The following DEPDC5 variants were observed in gnomAD, a reference collection of about 807,000 sequenced individuals.
DEPDC5 encodes GATOR1 complex protein DEPDC5.
In DEPDC5, 73 loss-of-function variants were observed where a neutral mutation model predicts 217.3. That is an observed-to-expected ratio of 0.34 (90% CI 0.28 to 0.41). The LOEUF (loss-of-function observed/expected upper bound fraction) is 0.41, where lower values mean the gene tolerates loss of function less well. Among genes scored for constraint, DEPDC5 ranks in the 10% least tolerant of loss-of-function variants. The probability of loss-of-function intolerance (pLI) is 1.00; values close to 1 mark genes in which losing one functional copy is unlikely to be tolerated. For missense variants in DEPDC5, 1,675 were observed against 2,070.1 expected (o/e 0.81, Z 3.70); for synonymous variants, 733 against 756.7 (o/e 0.97, Z 0.51).
At chr22:31,843,515 AT>A in intron 28 of DEPDC5, 129 bp from the exon 29 acceptor site, 2 of 1,093,060 alleles carry the variant, frequency 1.8e-6, no homozygotes, top group South Asian at 3.5e-5. Context: ...GTTCCCTGGG[AT>A]AAGTTGGTTA....
At chr22:31,758,497 T>C in intron 2 of DEPDC5, 49 bp from the exon 3 acceptor site, 1 of 1,528,132 alleles carries the variant, frequency 6.5e-7, no homozygotes, top group Non-Finnish European at 9.1e-7. Context: ...GAACATACAG[T>C]GTACCTAATG....
At chr22:31,860,560 G>A (rs554742416) in intron 32 of DEPDC5, among the ~76,000 whole-genome samples, 12 of 152,246 alleles carry the variant, frequency 7.9e-5, no homozygotes, top group Non-Finnish European at 1.3e-4. Flanking sequence ...AAAGTCCTCC[G>A]TGTCATTTTT....
intron 38 of DEPDC5, among the ~76,000 whole-genome samples, chr22:31,882,776 TCTC>T (rs2093210964): frequency 1.3e-5 from 2 of 152,104 alleles, no homozygotes; most frequent in Non-Finnish European, 2.9e-5. Context: ...TTCTCTTCTT[TCTC>T]CTCTTCTCTT....
intron 7 of DEPDC5, among the ~76,000 whole-genome samples, chr22:31,771,789 C>T (rs2083392512): frequency 7.5e-6 from 1 of 133,344 alleles, no homozygotes; most frequent in Non-Finnish European, 1.6e-5. Flanking sequence ...ACAGTTAGGA[C>T]TAGGTGCAGT....
intron 24 of DEPDC5, among the ~76,000 whole-genome samples, chr22:31,824,489 A>G (rs2089980079): frequency 6.6e-6 from 1 of 152,244 alleles, no homozygotes; most frequent in African/African-American, 2.4e-5. Flanking sequence ...GTTGGCAGTA[A>G]GAGAATCCCT....
At chr22:31,810,892 C>T (rs532855813) in intron 20 of DEPDC5, among the ~76,000 whole-genome samples, 1 of 152,272 alleles carries the variant, frequency 6.6e-6, no homozygotes, top group South Asian at 2.1e-4. Context: ...TCTCCTGCCT[C>T]AGCCTCACAA....
At chr22:31,876,391 A>C (rs1249598863) in intron 37 of DEPDC5, 126 bp downstream of exon 37, 2 of 689,664 alleles carry the variant, frequency 2.9e-6, no homozygotes, top group Admixed American at 2.7e-5. Context: ...CAGATCTGTC[A>C]ACTTCCTTGA....
At position 31,876,700 on chromosome 22, in the gene DEPDC5, A is replaced by G. The variant is rs1761972749; in HGVS notation, c.3805+435A>G. Among the ~76,000 whole-genome samples, 4 of 152,256 alleles carry G rather than the reference A, an allele frequency of 2.6e-5. No individual in the cohort carries two copies. The South Asian group carries it at 8.3e-4, about 32-fold the overall frequency. ...CCATTTCTAACCCCAGGAAACTATC[A>G]AGTCCTAGCAAGTTTTCCAAGTAAT... On this transcript the variant is annotated intron_variant, in intron 37 of 42. Coordinates refer to ENST00000651528, the MANE Select transcript of DEPDC5 (RefSeq NM_001242896.3).
chr22:31,782,829 A>G (rs2084586771), intron 8 of DEPDC5, among the ~76,000 whole-genome samples: 1 of 152,124 alleles, frequency 6.6e-6, no homozygotes, highest in Admixed American at 6.6e-5. Flanking sequence ...GAGGGCAGGG[A>G]CCAGATCTTA....
intron 30 of DEPDC5, among the ~76,000 whole-genome samples, chr22:31,845,524 G>C (rs1467952757): frequency 6.6e-6 from 1 of 152,196 alleles, no homozygotes; most frequent in African/African-American, 2.4e-5. Flanking sequence ...GAGCACAGCT[G>C]CTTGTGTGAC....
At chr22:31,825,260 T>A (rs2148853862) in intron 24 of DEPDC5, among the ~76,000 whole-genome samples, 2 of 152,334 alleles carry the variant, frequency 1.3e-5, no homozygotes, top group South Asian at 4.1e-4. Context: ...GTGGACCAGT[T>A]GATTTCCCAT....
At chr22:31,772,780 A>G (rs1015960224) in intron 7 of DEPDC5, among the ~76,000 whole-genome samples, 1 of 149,712 alleles carries the variant, frequency 6.7e-6, no homozygotes, top group African/African-American at 2.4e-5. Context: ...AATTATATAT[A>G]TATTATATAT....
Position 31,804,291 on chromosome 22 carries a change from G to A in DEPDC5, c.1143+68G>A, listed in dbSNP as rs574659964. On this transcript the variant is annotated intron_variant, in intron 16 of 42. Coordinates refer to ENST00000651528, the MANE Select transcript of DEPDC5 (RefSeq NM_001242896.3). ...ATAGTTAGAAAGAGAAAAATTCCAGGCGCTGTGGCATGCACTTATAGTCCC... is the reference window on the plus strand; with the variant it reads ...ATAGTTAGAAAGAGAAAAATTCCAGACGCTGTGGCATGCACTTATAGTCCC... The A allele has an allele frequency of 2.5e-5, 38 of 1,504,632 alleles. No homozygotes were observed. The South Asian group carries it at 4.0e-4, about 16-fold the overall frequency. 93.2% of individuals were successfully genotyped at this position (1,504,632 alleles called of 1,614,324 possible). A position where few individuals can be genotyped will look rare whatever the true frequency, so the allele number is the denominator to read the frequency against.
rs138551446 is a variant in DEPDC5, at chr22:31,784,496, G to A, written c.563-318G>A. On this transcript the variant is annotated intron_variant, in intron 9 of 42. Transcript: ENST00000651528. Reference sequence around the variant, plus strand: ...ATACAAAAATTAGCTGGGCTTGGTGGTGGGCGCCTGTAATCCCAGCTACTC... The same window carrying A: ...ATACAAAAATTAGCTGGGCTTGGTGATGGGCGCCTGTAATCCCAGCTACTC... The A allele has an allele frequency of 2.0e-4, 46 of 234,560 alleles. 1 individual carries two copies. Among genetic ancestry groups the A allele is most frequent in the African/African-American group, 9.5e-4 (41 of 43,052 alleles). 14.5% of individuals were successfully genotyped at this position (234,560 alleles called of 1,614,324 possible). A position where few individuals can be genotyped will look rare whatever the true frequency, so the allele number is the denominator to read the frequency against.
In DEPDC5 at chr22:31,879,029, C is replaced by CAAAAA. The variant is rs1264327219; in HGVS notation, c.3806-485_3806-481dup. On this transcript the variant is annotated intron_variant, in intron 37 of 42. Transcript: ENST00000651528. ...TGGGCGACAGAGCGAGACTCCGTCTCAAAAAAAAAAAAAAATATATATATA... is the reference window on the plus strand; with the variant it reads ...TGGGCGACAGAGCGAGACTCCGTCTCAAAAAAAAAAAAAAAAAAAATATATATATA... Among the ~76,000 whole-genome samples, 139 of 68,086 alleles carry CAAAAA rather than the reference C, an allele frequency of 2.0e-3. 3 individuals are homozygous for CAAAAA. The highest frequency in any genetic ancestry group is 8.8e-3 in the African/African-American group (111 of 12,602). 44.7% of individuals were successfully genotyped at this position (68,086 alleles called of 152,430 possible). A position where few individuals can be genotyped will look rare whatever the true frequency, so the allele number is the denominator to read the frequency against.
intron 6 of DEPDC5, among the ~76,000 whole-genome samples, chr22:31,767,180 C>T (rs906147585): frequency 6.6e-6 from 1 of 151,604 alleles, no homozygotes; most frequent in African/African-American, 2.4e-5. Flanking sequence ...TTCGCTCTTT[C>T]CCCAAGCTGG....
chr22:31,815,238 G>A (rs747888862), intron 21 of DEPDC5, 26 bp downstream of exon 21: 19 of 1,612,526 alleles, frequency 1.2e-5, no homozygotes, highest in Non-Finnish European at 1.5e-5. Context: ...CACAGACAGA[G>A]CCAGGGACAT....
upstream of DEPDC5, chr22:31,753,986 C>G (rs1400546809): frequency 2.6e-5 from 4 of 152,700 alleles, no homozygotes; most frequent in Non-Finnish European, 5.9e-5. Flanking sequence ...CGGAGCGGCG[C>G]GGGTTCTCAG....
At chr22:31,792,722 A>G (rs1162448760) in intron 11 of DEPDC5, 23 bp from the exon 12 acceptor site, 3 of 1,536,386 alleles carry the variant, frequency 2.0e-6, no homozygotes, top group East Asian at 2.5e-5. Context: ...CCTGAACTAC[A>G]TACTCCGTTT....
Sources: allele counts gnomAD v4.1 joint callset (sites outside exome capture counted in the v4.1 genomes callset), GRCh38; gene constraint gnomAD v4.1.1; transcripts MANE v1.5; gene names NCBI Gene and HGNC (gene_info 2026-07-23, HGNC 2026-07-21).